Variants in SENP6 observed in about 807,000 individuals in gnomAD.
SENP6 encodes sentrin-specific protease 6.
A neutral mutation model predicts 134.5 loss-of-function variants in SENP6; 41 were observed. That is an observed-to-expected ratio of 0.30 (90% CI 0.24 to 0.40). SENP6 has a LOEUF of 0.40. Ranked by LOEUF, SENP6 falls within the 10% of genes least tolerant of loss-of-function variation. The probability of loss-of-function intolerance (pLI) is 1.00; values close to 1 mark genes in which losing one functional copy is unlikely to be tolerated. For missense variants in SENP6, 1,248 were observed against 1,312.5 expected, an observed-to-expected ratio of 0.95 and a Z score of 0.76; for synonymous variants, 395 against 429.8, an observed-to-expected ratio of 0.92 and a Z score of 1.00.
chr6:75,687,348 C>G (rs905993400), intron 16 of SENP6, among the ~76,000 whole-genome samples: 3 of 152,196 alleles, frequency 2.0e-5, no homozygotes, highest in East Asian at 1.9e-4. Flanking sequence ...CGAACATCCT[C>G]CTTTAGCTCG....
At position 75,623,087 on chromosome 6, in the gene SENP6, A is replaced by G. The variant is rs73453059; in HGVS notation, c.147-813A>G. Among the ~76,000 whole-genome samples, 349 of 152,328 alleles carry G rather than the reference A, an allele frequency of 2.3e-3. 1 individual carries two copies. The highest frequency in any genetic ancestry group is 8.2e-3 in the African/African-American group (339 of 41,576). ...TCATTAAAAAAAAGTTTGGATGTAT[A>G]TAAACAGTAATACAACATTTTACAT... On this transcript the variant is annotated intron_variant, in intron 2 of 23. Coordinates refer to ENST00000447266, the MANE Select transcript of SENP6 (RefSeq NM_015571.4).
Position 75,716,501 on chromosome 6 carries a change from CTTA to C in SENP6, c.*913_*915del, listed in dbSNP as rs887264102. 3 of 151,762 alleles carry C rather than the reference CTTA, an allele frequency of 2.0e-5. No individual in the cohort carries two copies. The highest frequency in any genetic ancestry group is 2.1e-4 in the South Asian group (1 of 4,818). The allele number at this position is 151,762 out of a possible 1,614,324, so 9.4% of individuals were successfully genotyped here. ...CTATTTTTTCATTGCTCATTTTGTT[CTTA>C]TTATTTTGATAAAGTATCAGACTTT... On this transcript the variant is annotated 3_prime_UTR_variant, in exon 24 of 24. Coordinates refer to ENST00000447266, the MANE Select transcript of SENP6 (RefSeq NM_015571.4).
chr6:75,638,673 C>T (rs1769789954), intron 5 of SENP6, among the ~76,000 whole-genome samples: 1 of 128,522 alleles, frequency 7.8e-6, no homozygotes, highest in Non-Finnish European at 1.6e-5. Flanking sequence ...TTTCCTAACT[C>T]CCTTGGCTTA....
chr6:75,668,336 C>CA (rs937127013), intron 10 of SENP6, among the ~76,000 whole-genome samples: 3 of 151,880 alleles, frequency 2.0e-5, no homozygotes, highest in African/African-American at 7.3e-5. Context: ...AACAGTGTAG[C>CA]AAAACACTCT....
At chr6:75,623,678 T>C (rs1420348031) in intron 2 of SENP6, among the ~76,000 whole-genome samples, 1 of 152,154 alleles carries the variant, frequency 6.6e-6, no homozygotes. Flanking sequence ...AGTTAATAAT[T>C]TTTATTGGAA....
At chr6:75,647,867 A>G in intron 7 of SENP6, 66 bp downstream of exon 7, 1 of 1,223,138 alleles carries the variant, frequency 8.2e-7, no homozygotes, top group Non-Finnish European at 1.2e-6. Context: ...TACAATGGAG[A>G]TACGATGCTG....
chr6:75,674,576 C>G (rs892616047), intron 11 of SENP6, among the ~76,000 whole-genome samples: 1 of 152,088 alleles, frequency 6.6e-6, no homozygotes, highest in African/African-American at 2.4e-5. Context: ...TCCCAAAATG[C>G]TGGGATAACA....
At chr6:75,606,933 T>C (rs942734945) in intron 1 of SENP6, among the ~76,000 whole-genome samples, 20 of 152,160 alleles carry the variant, frequency 1.3e-4, no homozygotes, top group Non-Finnish European at 1.3e-4. Context: ...CAGTGCTTTC[T>C]AGGTAGAGAG....
chr6:75,608,888 G>A (rs920787850), intron 1 of SENP6, among the ~76,000 whole-genome samples: 2 of 152,054 alleles, frequency 1.3e-5, no homozygotes, highest in African/African-American at 2.4e-5. Flanking sequence ...TCCTTTACTT[G>A]CTTGTCTTCT....
intron 3 of SENP6, among the ~76,000 whole-genome samples, chr6:75,630,025 AT>A (rs1768987587): frequency 6.6e-6 from 1 of 151,982 alleles, no homozygotes; most frequent in Non-Finnish European, 1.5e-5. Context: ...TTCCTGGAAC[AT>A]GAAGATAATG....
intron 16 of SENP6, among the ~76,000 whole-genome samples, chr6:75,695,050 A>G (rs1214544391): frequency 4.6e-5 from 7 of 151,708 alleles, no homozygotes; most frequent in Admixed American, 4.6e-4. Flanking sequence ...AAATTTTTGT[A>G]TTTTTAGTAG....
chr6:75,690,204 C>G (rs774887596), intron 16 of SENP6, among the ~76,000 whole-genome samples: 1 of 152,206 alleles, frequency 6.6e-6, no homozygotes, highest in Admixed American at 6.5e-5. Context: ...AGCCACTGCT[C>G]CCAACCAGAA....
At chr6:75,659,568 G>A (rs149099461) in intron 8 of SENP6, among the ~76,000 whole-genome samples, 161 bp downstream of exon 8, 1 of 152,100 alleles carries the variant, frequency 6.6e-6, no homozygotes, top group Non-Finnish European at 1.5e-5. Context: ...CCATTTTTAT[G>A]CTTGTTCAAA....
intron 1 of SENP6, among the ~76,000 whole-genome samples, chr6:75,605,186 C>G (rs1437240093): frequency 6.6e-6 from 1 of 152,222 alleles, no homozygotes; most frequent in Non-Finnish European, 1.5e-5. Flanking sequence ...ATTAAGACAT[C>G]TACATATTAC....
Position 75,661,117 on chromosome 6 carries a change from T to TATAC in SENP6, c.696+1710_696+1711insATAC, listed in dbSNP as rs1771742725. The stretch of plus-strand genomic sequence containing the variant: ...GACAAAGCTAAGAAATACATGTGTG[T>TATAC]GTATTAATATTTAATCTATATTAGA... On this transcript the variant is annotated intron_variant, in intron 8 of 23. Coordinates refer to ENST00000447266, the MANE Select transcript of SENP6 (RefSeq NM_015571.4). Among the ~76,000 whole-genome samples the TATAC allele has an allele frequency of 2.6e-5, 4 of 152,228 alleles. No individual in the cohort carries two copies. The South Asian group carries it at 8.3e-4, about 31-fold the overall frequency.
At chr6:75,698,149 A>T (rs1235407513) in intron 18 of SENP6, among the ~76,000 whole-genome samples, 1 of 152,232 alleles carries the variant, frequency 6.6e-6, no homozygotes, top group African/African-American at 2.4e-5. Context: ...TATCACTTGC[A>T]TCAAGGAATG....
At chr6:75,677,357 T>A in intron 14 of SENP6, 101 bp downstream of exon 14, 1 of 831,142 alleles carries the variant, frequency 1.2e-6, no homozygotes, top group Non-Finnish European at 1.8e-6. Context: ...TTAAATCTTT[T>A]TAATTTTATT....
intron 4 of SENP6, 137 bp from the exon 5 acceptor site, chr6:75,634,570 A>G (rs1036202821): frequency 5.7e-6 from 3 of 528,752 alleles, no homozygotes; most frequent in African/African-American, 2.0e-5. Context: ...CCAAAAGACA[A>G]TTGGGTTTAT....
rs1364286339 is a variant in SENP6 at position 75,686,994 on chromosome 6, C to T, written c.2075+8067C>T. On this transcript the variant is annotated intron_variant, in intron 16 of 23. Transcript: ENST00000447266. ...TGGGTAATATCCTGCAGAGTGTTTT[C>T]CAACTTGGTTCCATTCTCCCCGTCA... Among the ~76,000 whole-genome samples, 5 of 152,176 alleles carry T rather than the reference C, an allele frequency of 3.3e-5. No individual in the cohort carries two copies. The South Asian group carries it at 1.0e-3, about 32-fold the overall frequency.
Sources: allele counts gnomAD v4.1 joint callset (sites outside exome capture counted in the v4.1 genomes callset), GRCh38; gene constraint gnomAD v4.1.1; transcripts MANE v1.5; gene names NCBI Gene and HGNC (gene_info 2026-07-23, HGNC 2026-07-21).